The following NRG3 variants were observed in gnomAD, a reference collection of about 807,000 sequenced individuals.
NRG3 encodes the protein neuregulin 3.
A neutral mutation model predicts 66.9 loss-of-function variants in NRG3; 31 were observed. The observed-to-expected ratio is 0.46, with a 90% CI of 0.35 to 0.63. The LOEUF is 0.63. NRG3 is among the 20% of genes least tolerant of loss of function. The probability of loss-of-function intolerance (pLI) is 0.00; values close to 1 mark genes in which losing one functional copy is unlikely to be tolerated. For synonymous variants in NRG3, 393 were observed against 359.4 expected, an observed-to-expected ratio of 1.09 and a Z score of -1.06; for missense variants, 910 against 878.9, an observed-to-expected ratio of 1.04 and a Z score of -0.45.
chr10:82,197,090 C>G (rs2074490723), intron 1 of NRG3, among the ~76,000 whole-genome samples: 1 of 152,098 alleles, frequency 6.6e-6, no homozygotes, highest in Non-Finnish European at 1.5e-5. Context: ...GATCAGGAAT[C>G]TAAGAGTCAG....
At chr10:82,882,923 G>A (rs1842427890) in intron 4 of NRG3, among the ~76,000 whole-genome samples, 1 of 152,164 alleles carries the variant, frequency 6.6e-6, no homozygotes, top group African/African-American at 2.4e-5. Flanking sequence ...GCTGCCAGTG[G>A]ATACCTCTGT....
At chr10:82,197,650 A>G (rs1240566222) in intron 1 of NRG3, among the ~76,000 whole-genome samples, 1 of 152,108 alleles carries the variant, frequency 6.6e-6, no homozygotes, top group African/African-American at 2.4e-5. Flanking sequence ...GTATTTGTGT[A>G]TCTTATCCTA....
chr10:82,318,578 C>T (rs1022843718), intron 1 of NRG3, among the ~76,000 whole-genome samples: 3 of 152,162 alleles, frequency 2.0e-5, no homozygotes, highest in African/African-American at 4.8e-5. Flanking sequence ...GTGACTGTCT[C>T]GTGGCCCTCC....
chr10:82,606,983 C>T (rs1486385077), intron 2 of NRG3, among the ~76,000 whole-genome samples: 1 of 152,134 alleles, frequency 6.6e-6, no homozygotes, highest in African/African-American at 2.4e-5. Flanking sequence ...CCTTAAAAAA[C>T]CCATCCCCAA....
chr10:82,040,592 A>G (rs1355224318), intron 1 of NRG3, among the ~76,000 whole-genome samples: 1 of 152,032 alleles, frequency 6.6e-6, no homozygotes, highest in African/African-American at 2.4e-5. Context: ...TTTGGCGGAT[A>G]GAAACTGCAG....
intron 3 of NRG3, among the ~76,000 whole-genome samples, chr10:82,811,066 T>C (rs1332725320): frequency 6.6e-6 from 1 of 152,184 alleles, no homozygotes; most frequent in Non-Finnish European, 1.5e-5. Context: ...TGAAATTCAC[T>C]TTTTCACTGG....
chr10:82,717,934 C>G (rs1243063474), intron 2 of NRG3, among the ~76,000 whole-genome samples: 1 of 151,864 alleles, frequency 6.6e-6, no homozygotes, highest in Non-Finnish European at 1.5e-5. Flanking sequence ...AAAACAAGCC[C>G]AAACTCAGTG....
At chr10:82,227,654 G>A (rs1283782537) in intron 1 of NRG3, among the ~76,000 whole-genome samples, 1 of 152,094 alleles carries the variant, frequency 6.6e-6, no homozygotes, top group East Asian at 1.9e-4. Flanking sequence ...TTTTTATAAT[G>A]AAAGAGAATA....
At chr10:82,083,595 A>AT (rs35927277) in intron 1 of NRG3, among the ~76,000 whole-genome samples, 229 of 115,354 alleles carry the variant, frequency 2.0e-3, no homozygotes, top group East Asian at 0.011. Flanking sequence ...CCATTTGTTA[A>AT]TTTTTTTTTT....
At chr10:82,148,692 G>T (rs956058434) in intron 1 of NRG3, among the ~76,000 whole-genome samples, 1 of 152,080 alleles carries the variant, frequency 6.6e-6, no homozygotes, top group Non-Finnish European at 1.5e-5. Flanking sequence ...TTCCTGGGTC[G>T]TATTGATGAT....
chr10:82,425,144 C>G (rs1247448173), intron 2 of NRG3, among the ~76,000 whole-genome samples: 1 of 152,010 alleles, frequency 6.6e-6, no homozygotes, highest in Non-Finnish European at 1.5e-5. Flanking sequence ...AAATTCTCTA[C>G]GAACTTAGGA....
At chr10:82,898,752 C>T (rs112221557) in intron 4 of NRG3, among the ~76,000 whole-genome samples, 2,822 of 127,208 alleles carry the variant, frequency 0.022, 109 homozygotes, top group African/African-American at 0.083. Context: ...GACAGAGTCT[C>T]GCTCTGTCTC....
intron 2 of NRG3, among the ~76,000 whole-genome samples, chr10:82,684,190 C>A (rs1170347073): frequency 1.3e-5 from 2 of 152,170 alleles, no homozygotes; most frequent in African/African-American, 4.8e-5. Context: ...GAGAAAGCAT[C>A]CCATTCCCTC....
chr10:82,051,762 C>T (rs751335535), intron 1 of NRG3, among the ~76,000 whole-genome samples: 1 of 152,096 alleles, frequency 6.6e-6, no homozygotes, highest in Non-Finnish European at 1.5e-5. Flanking sequence ...GAGAGGACAT[C>T]ATTATTAAAT....
At chr10:82,513,225 C>G (rs1362967031) in intron 2 of NRG3, among the ~76,000 whole-genome samples, 1 of 152,138 alleles carries the variant, frequency 6.6e-6, no homozygotes, top group Non-Finnish European at 1.5e-5. Flanking sequence ...TCTGTTTCTG[C>G]ATTAGTTTGC....
intron 1 of NRG3, among the ~76,000 whole-genome samples, chr10:81,980,341 T>C (rs2060288443): frequency 6.6e-6 from 1 of 152,178 alleles, no homozygotes; most frequent in African/African-American, 2.4e-5. Context: ...AGTCGTCTTG[T>C]CAGTTAATGA....
Position 81,875,238 on chromosome 10 carries a change from G to C in NRG3, c.-103G>C. 1.9e-6 allele frequency: 1 copy of C among 530,926 alleles called. No homozygotes were observed. The highest frequency in any genetic ancestry group is 2.4e-6 in the Non-Finnish European group (1 of 418,222). The allele number at this position is 530,926 out of a possible 1,614,324, so 32.9% of individuals were successfully genotyped here. Reference sequence around the variant, plus strand: ...GCGGCCGCTGCCTGCGCCCGAGCCCGCCGCCGCCGCCGGAGCCCGCGCCCG... The same window carrying C: ...GCGGCCGCTGCCTGCGCCCGAGCCCCCCGCCGCCGCCGGAGCCCGCGCCCG... On this transcript the variant is annotated 5_prime_UTR_variant, in exon 1 of 9. Coordinates refer to ENST00000372141, the MANE Select transcript of NRG3 (RefSeq NM_001010848.4). This position sits in a 1 kb window ranked among gnomAD's most constrained non-coding sequence, Gnocchi z 5.3.
rs1184529601 is a variant in NRG3 at position 81,875,834 on chromosome 10, C to T, written c.494C>T (p.Pro165Leu). ...STRLTTITRA[P>L]TRFPGHRVPI... ...CGCCTGACCACCATCACGCGGGCGC[C>T]CACTCGCTTCCCCGGGCACCGGGTG... Residue 165 changes from proline to leucine, a missense_variant, in exon 1 of 9, where the codon CCC (proline) becomes CTC (leucine). Coordinates refer to ENST00000372141, the MANE Select transcript of NRG3 (RefSeq NM_001010848.4). This position sits in a 1 kb window ranked among gnomAD's most constrained non-coding sequence, Gnocchi z 5.3. The T allele has an allele frequency of 6.2e-7, 1 of 1,609,146 alleles. No homozygotes were observed. The highest frequency in any genetic ancestry group is 8.5e-7 in the Non-Finnish European group (1 of 1,179,682).
rs548437651 is a variant in NRG3 at position 82,771,700 on chromosome 10, C to T, written c.1027+33050C>T. ...GTGCTAAGTCCTGGATGAGCTATTC[C>T]TCATTCAATGAAGAATTGATGAATC... On this transcript the variant is annotated intron_variant, in intron 3 of 8. Coordinates refer to ENST00000372141, the MANE Select transcript of NRG3 (RefSeq NM_001010848.4). Among the ~76,000 whole-genome samples, 9 of 152,222 alleles carry T rather than the reference C, an allele frequency of 5.9e-5. No homozygotes were observed. The South Asian group carries it at 1.9e-3, about 32-fold the overall frequency.
Sources: allele counts gnomAD v4.1 joint callset (sites outside exome capture counted in the v4.1 genomes callset), GRCh38; gene constraint gnomAD v4.1.1; non-coding constraint Gnocchi (gnomAD v3.1); transcripts MANE v1.5; gene names NCBI Gene and HGNC (gene_info 2026-07-23, HGNC 2026-07-21).